Variants in GRIK2 observed in about 807,000 individuals in gnomAD.
The protein encoded by GRIK2 is glutamate ionotropic receptor kainate type subunit 2.
GRIK2 carries 32 observed loss-of-function variants against 100.3 expected under a neutral mutation model. That is an observed-to-expected ratio of 0.32 (90% CI 0.24 to 0.43). The LOEUF (loss-of-function observed/expected upper bound fraction) is 0.43, where lower values mean the gene tolerates loss of function less well. Ranked by LOEUF, GRIK2 falls within the 20% of genes least tolerant of loss-of-function variation. The probability of loss-of-function intolerance (pLI) is 1.00; values close to 1 mark genes in which losing one functional copy is unlikely to be tolerated. For missense variants in GRIK2, 843 were observed against 1,114.9 expected (o/e 0.76, Z 3.47); for synonymous variants, 417 against 389.4 (o/e 1.07, Z -0.83).
chr6:102,069,065 C>T lies in GRIK2; in HGVS notation c.*554C>T, dbSNP rs1772149023. ...GGATGTGAAAAAATGTAATGCAAAA[C>T]AAATTTGAATCCCATGGCAGTTGGA... On this transcript the variant is annotated 3_prime_UTR_variant, in exon 17 of 17. Coordinates refer to ENST00000369134, the MANE Select transcript of GRIK2 (RefSeq NM_021956.5). 1 of 151,276 alleles carries T rather than the reference C, an allele frequency of 6.6e-6. No homozygotes were observed. The highest frequency in any genetic ancestry group is 2.4e-5 in the African/African-American group (1 of 41,300). The allele number at this position is 151,276 out of a possible 1,614,324, so 9.4% of individuals were successfully genotyped here.
chr6:101,557,124 A>G (rs143767966), intron 2 of GRIK2, among the ~76,000 whole-genome samples: 1 of 152,314 alleles, frequency 6.6e-6, no homozygotes, highest in African/African-American at 2.4e-5. Context: ...TGGAATGAAT[A>G]TAGTCTAATA....
At chr6:101,746,048 A>T (rs753609904) in intron 7 of GRIK2, among the ~76,000 whole-genome samples, 1 of 152,174 alleles carries the variant, frequency 6.6e-6, no homozygotes, top group Admixed American at 6.6e-5. Flanking sequence ...ATTGACCCAA[A>T]GTAACTTTAC....
chr6:102,000,862 A>G (rs1794901502), intron 14 of GRIK2, among the ~76,000 whole-genome samples: 1 of 151,930 alleles, frequency 6.6e-6, no homozygotes, highest in Non-Finnish European at 1.5e-5. Flanking sequence ...GATTTTCTCT[A>G]TATGTCTGTT....
At chr6:101,770,043 A>T (rs886351122) in intron 7 of GRIK2, among the ~76,000 whole-genome samples, 1 of 152,178 alleles carries the variant, frequency 6.6e-6, no homozygotes, top group African/African-American at 2.4e-5. Flanking sequence ...TTGTTATCAG[A>T]CATACAAGAA....
At chr6:101,883,053 A>G (rs758887966) in intron 11 of GRIK2, among the ~76,000 whole-genome samples, 3 of 151,936 alleles carry the variant, frequency 2.0e-5, no homozygotes, top group African/African-American at 7.2e-5. Context: ...AGTATTAACC[A>G]TATAATCCAG....
chr6:101,847,594 C>T (rs1465005435), intron 10 of GRIK2, among the ~76,000 whole-genome samples: 3 of 152,090 alleles, frequency 2.0e-5, no homozygotes, highest in Admixed American at 6.6e-5. Flanking sequence ...AGAAACAAAA[C>T]CAAACTTCCC....
At chr6:102,060,232 G>T (rs1179644042) in intron 16 of GRIK2, among the ~76,000 whole-genome samples, 2 of 150,394 alleles carry the variant, frequency 1.3e-5, no homozygotes, top group East Asian at 1.9e-4. Context: ...ATTTTTTTCT[G>T]GTGCACTGAT....
At chr6:101,419,053 A>G (rs1776288183) in intron 2 of GRIK2, among the ~76,000 whole-genome samples, 1 of 152,198 alleles carries the variant, frequency 6.6e-6, no homozygotes, top group Admixed American at 6.5e-5. Context: ...AGACTCTTAC[A>G]CATCCTTCAC....
intron 2 of GRIK2, among the ~76,000 whole-genome samples, chr6:101,563,137 A>T (rs4839799): frequency 0.49 from 74,596 of 151,990 alleles, 18,469 homozygotes; most frequent in African/African-American, 0.57. Context: ...TTCACCTGCT[A>T]ATATGCGACA....
chr6:101,744,250 G>A (rs548095338), intron 7 of GRIK2, among the ~76,000 whole-genome samples: 30 of 151,822 alleles, frequency 2.0e-4, no homozygotes, highest in African/African-American at 7.2e-4. Context: ...CCAGCAATAT[G>A]TAGTCTTTTA....
intron 2 of GRIK2, among the ~76,000 whole-genome samples, chr6:101,412,098 G>A (rs1775911338): frequency 6.6e-6 from 1 of 151,886 alleles, no homozygotes; most frequent in Non-Finnish European, 1.5e-5. Context: ...AAATCTCTTG[G>A]ACAATACCAT....
At chr6:101,817,344 A>G (rs939526745) in intron 9 of GRIK2, among the ~76,000 whole-genome samples, 1 of 152,208 alleles carries the variant, frequency 6.6e-6, no homozygotes, top group Non-Finnish European at 1.5e-5. Flanking sequence ...CCATTTTAAA[A>G]AGACTTAATT....
intron 2 of GRIK2, among the ~76,000 whole-genome samples, chr6:101,441,513 T>C (rs1459613383): frequency 4.6e-5 from 7 of 152,192 alleles, no homozygotes; most frequent in Non-Finnish European, 1.0e-4. Context: ...AACACGGTAT[T>C]ATGCAGTTTA....
chr6:101,867,403 C>T (rs1000815343), intron 11 of GRIK2, among the ~76,000 whole-genome samples: 5 of 151,702 alleles, frequency 3.3e-5, no homozygotes, highest in South Asian at 4.1e-4. Flanking sequence ...TTTTTCTCAA[C>T]GTGAATTTAA....
In GRIK2 at chr6:101,456,816, T is replaced by G. The variant is rs375161149; in HGVS notation, c.115+57424T>G. On this transcript the variant is annotated intron_variant, in intron 2 of 16. Coordinates refer to ENST00000369134, the MANE Select transcript of GRIK2 (RefSeq NM_021956.5). Reference sequence around the variant, plus strand: ...TGCATTTTTATCTAAATATTAAGAGTTTTAAATATTTTCAGACTTATTTTA... The same window carrying G: ...TGCATTTTTATCTAAATATTAAGAGGTTTAAATATTTTCAGACTTATTTTA... Among the ~76,000 whole-genome samples the G allele has an allele frequency of 2.6e-5, 4 of 152,060 alleles. No individual in the cohort carries two copies. The East Asian group carries it at 7.7e-4, about 29-fold the overall frequency.
At chr6:101,601,801 G>A (rs1779224115) in intron 2 of GRIK2, among the ~76,000 whole-genome samples, 1 of 151,638 alleles carries the variant, frequency 6.6e-6, no homozygotes, top group Non-Finnish European at 1.5e-5. Flanking sequence ...TTCTGATGAT[G>A]CTTATTTGGA....
At chr6:101,762,285 C>A (rs1424915999) in intron 7 of GRIK2, among the ~76,000 whole-genome samples, 1 of 151,912 alleles carries the variant, frequency 6.6e-6, no homozygotes, top group Admixed American at 6.6e-5. Context: ...AATGATCCTC[C>A]CATCTCAGCC....
At chr6:101,738,687 T>C (rs1775837134) in intron 7 of GRIK2, among the ~76,000 whole-genome samples, 1 of 152,126 alleles carries the variant, frequency 6.6e-6, no homozygotes, top group South Asian at 2.1e-4. Context: ...CTACTGACAA[T>C]TTGGCTAGAT....
chr6:101,717,097 G>A (rs1164351947), intron 7 of GRIK2, among the ~76,000 whole-genome samples: 1 of 151,820 alleles, frequency 6.6e-6, no homozygotes, highest in Non-Finnish European at 1.5e-5. Context: ...CTTTGTGAAG[G>A]AAATGGATTT....
Sources: gnomAD v4.1 joint callset for allele counts (sites outside exome capture counted in the v4.1 genomes callset) on GRCh38, gnomAD v4.1.1 for gene constraint, MANE v1.5 for transcripts, NCBI Gene and HGNC (gene_info 2026-07-23, HGNC 2026-07-21) for gene names.